The following PHGDH variants were observed in gnomAD, a reference collection of about 807,000 sequenced individuals.
PHGDH encodes the protein D-3-phosphoglycerate dehydrogenase.
A neutral mutation model predicts 52.6 loss-of-function variants in PHGDH; 50 were observed. That is an observed-to-expected ratio of 0.95 (90% CI 0.76 to 1.20). The LOEUF is 1.20. Among genes scored for constraint, PHGDH ranks in the 50% most tolerant of loss-of-function variants. The probability of loss-of-function intolerance (pLI) is 0.00; values close to 1 mark genes in which losing one functional copy is unlikely to be tolerated. For missense variants in PHGDH, 630 were observed against 684.6 expected (o/e 0.92, Z 0.89); for synonymous variants, 271 against 280.5 (o/e 0.97, Z 0.34).
chr1:119,720,006 G>A (rs1020115823), intron 1 of PHGDH: 2 of 152,222 alleles, frequency 1.3e-5, no homozygotes, highest in African/African-American at 2.4e-5. Flanking sequence ...CTGTCTTCCT[G>A]GTTCCCAGCT....
At chr1:119,713,559 GC>G (rs1650796395) in intron 1 of PHGDH, 1 of 152,306 alleles carries the variant, frequency 6.6e-6, no homozygotes, top group African/African-American at 2.4e-5. Context: ...CCTAACCTTT[GC>G]GTGTTCCCCT....
intron 1 of PHGDH, chr1:119,720,363 C>T (rs1651093936): frequency 6.6e-6 from 1 of 152,226 alleles, no homozygotes; most frequent in Admixed American, 6.5e-5. Flanking sequence ...TTTGGTCTCT[C>T]TTTTAGGAAA....
At chr1:119,724,698 T>C (rs1428949265) in intron 3 of PHGDH, 11 of 439,264 alleles carry the variant, frequency 2.5e-5, no homozygotes, top group Non-Finnish European at 5.0e-5. Context: ...AAGATCTCAA[T>C]GTGGCTTTCT....
chr1:119,721,951 G>C (rs139682123), intron 2 of PHGDH, among the ~76,000 whole-genome samples: 4 of 152,200 alleles, frequency 2.6e-5, no homozygotes, highest in South Asian at 2.1e-4. Flanking sequence ...TACTGTACCC[G>C]TTCTGTCACT....
chr1:119,714,912 G>C (rs76046580), intron 1 of PHGDH, among the ~76,000 whole-genome samples: 5,901 of 152,202 alleles, frequency 0.039, 379 homozygotes, highest in African/African-American at 0.13. Flanking sequence ...GCTAGACCCT[G>C]TCCCACCCCT....
chr1:119,725,574 GTTC>G (rs1422391804), intron 3 of PHGDH, among the ~76,000 whole-genome samples: 2 of 152,186 alleles, frequency 1.3e-5, no homozygotes, highest in East Asian at 1.9e-4. Context: ...TGGTACTGAA[GTTC>G]TTCTGAGTTT....
chr1:119,742,004 C>A, intron 10 of PHGDH, 107 bp downstream of exon 10: 1 of 948,304 alleles, frequency 1.1e-6, no homozygotes, highest in Non-Finnish European at 1.7e-6. Flanking sequence ...CCCAGCCTTG[C>A]ATCGGCCTGT....
chr1:119,727,450 A>G (rs1415229336), intron 5 of PHGDH: 1 of 355,786 alleles, frequency 2.8e-6, no homozygotes, highest in Non-Finnish European at 5.4e-6. Context: ...GTTTATTGCA[A>G]AGGAAAAAGA....
At position 119,734,762 on chromosome 1, in the gene PHGDH, G is replaced by A. The variant is rs1489385483; in HGVS notation, c.639G>A (p.Thr213=). The A allele has an allele frequency of 9.9e-6, 16 of 1,613,896 alleles. No individual in the cohort carries two copies. Among genetic ancestry groups the A allele is most frequent in the East Asian group, 4.5e-5 (2 of 44,876 alleles). Residue 213 remains threonine (T), a synonymous_variant, in exon 6 of 12, where the codon ACG becomes ACA. Coordinates refer to ENST00000641023, the MANE Select transcript of PHGDH (RefSeq NM_006623.4). ...TGCACACTCCTCTCCTGCCCTCCAC[G>A]ACAGGTAGGTGTGTCCTTACATTGT... ...ITVHTPLLPS[T]TGLLNDNTFA...
chr1:119,712,366 T>C, intron 1 of PHGDH: 1 of 586,198 alleles, frequency 1.7e-6, no homozygotes, highest in Non-Finnish European at 3.1e-6. Context: ...ACTTTTCTTT[T>C]AGTTTGCAAC....
In PHGDH at chr1:119,721,291, C is replaced by A; in HGVS notation, c.260C>A (p.Ala87Asp). ...GGTGTGGACAATGTGGATCTGGAGG[C>A]CGCAACAAGGAAGGGCATCTTGGTT... ...GTGVDNVDLE[A>D]ATRKGILVMN... Residue 87 changes from alanine (A) to aspartate (D), a missense_variant, in exon 2 of 12, where the codon GCC (alanine) becomes GAC (aspartate). Coordinates refer to ENST00000641023, the MANE Select transcript of PHGDH (RefSeq NM_006623.4). 1 of 1,614,038 alleles carries A rather than the reference C, an allele frequency of 6.2e-7. No individual in the cohort carries two copies. Among genetic ancestry groups the A allele is most frequent in the South Asian group, 1.1e-5 (1 of 91,066 alleles).
chr1:119,743,018 A>T lies in PHGDH; in HGVS notation c.1421A>T (p.Asp474Val), dbSNP rs1326368830. 1 of 1,612,122 alleles carries T rather than the reference A, an allele frequency of 6.2e-7. No homozygotes were observed. The highest frequency in any genetic ancestry group is 8.5e-7 in the Non-Finnish European group (1 of 1,178,372). The change falls in exon 11 of 12, where the codon GAC becomes GTC. Residue 474 changes from aspartate (D) to valine (V), a missense_variant. Coordinates refer to ENST00000641023, the MANE Select transcript of PHGDH (RefSeq NM_006623.4). ...CTCCTATTCCGGACTCAGACCTCTG[A>T]CCCTGCAATGCTGCCTACCATGATT... Reference protein sequence around the residue: ...PLLLFRTQTSDPAMLPTMIGL... With the variant: ...PLLLFRTQTSVPAMLPTMIGL...
At chr1:119,714,831 C>G (rs1317022868) in intron 1 of PHGDH, among the ~76,000 whole-genome samples, 3 of 152,178 alleles carry the variant, frequency 2.0e-5, no homozygotes, top group Non-Finnish European at 2.9e-5. Flanking sequence ...GTGGGAGGAT[C>G]GCTTGAGCCT....
intron 8 of PHGDH, among the ~76,000 whole-genome samples, chr1:119,739,021 C>T (rs1384530641): frequency 6.6e-6 from 1 of 152,206 alleles, no homozygotes; most frequent in Non-Finnish European, 1.5e-5. Flanking sequence ...ATTTTTGTCA[C>T]ATAAGAAATA....
intron 1 of PHGDH, among the ~76,000 whole-genome samples, chr1:119,714,990 A>G (rs902968867): frequency 1.3e-5 from 2 of 152,242 alleles, no homozygotes; most frequent in African/African-American, 2.4e-5. Flanking sequence ...TTGGCTTAAA[A>G]TAATAAAGCA....
chr1:119,734,052 G>A (rs1225937662), intron 5 of PHGDH, among the ~76,000 whole-genome samples: 1 of 152,126 alleles, frequency 6.6e-6, no homozygotes, highest in East Asian at 1.9e-4. Flanking sequence ...CCCACTCTGG[G>A]TCCTGCCTTG....
At chr1:119,743,116 A>G in intron 11 of PHGDH, 72 bp downstream of exon 11, 1 of 950,232 alleles carries the variant, frequency 1.1e-6, no homozygotes, top group Non-Finnish European at 1.7e-6. Flanking sequence ...ATTGAACTCT[A>G]CCCACCTTCC....
intron 5 of PHGDH, chr1:119,727,827 C>A (rs1246927028): frequency 6.6e-6 from 1 of 152,500 alleles, no homozygotes; most frequent in East Asian, 1.9e-4. Context: ...GAGCGAGACT[C>A]CGTCTTAAAA....
chr1:119,743,101 C>A, intron 11 of PHGDH, 57 bp downstream of exon 11: 1 of 1,124,310 alleles, frequency 8.9e-7, no homozygotes, highest in Non-Finnish European at 1.4e-6. Flanking sequence ...GGGGTCTGCC[C>A]TGGAATTGAA....
Sources: gnomAD v4.1 joint callset for allele counts (sites outside exome capture counted in the v4.1 genomes callset) on GRCh38, gnomAD v4.1.1 for gene constraint, MANE v1.5 for transcripts, NCBI Gene and HGNC (gene_info 2026-07-23, HGNC 2026-07-21) for gene names.